HP1BP3: variants seen among roughly 807,000 people sequenced by gnomAD.
The protein encoded by HP1BP3 is heterochromatin protein 1-binding protein 3.
A neutral mutation model predicts 62.5 loss-of-function variants in HP1BP3; 12 were observed. The ratio of observed to expected loss-of-function variants is 0.19; its 90% CI spans 0.12 to 0.31. The LOEUF (loss-of-function observed/expected upper bound fraction) is 0.31. HP1BP3 is among the 10% of genes least tolerant of loss of function. The pLI is 1.00. For synonymous variants in HP1BP3, 260 were observed against 237.8 expected, an observed-to-expected ratio of 1.09 and a Z score of -0.86; for missense variants, 502 against 651.8, an observed-to-expected ratio of 0.77 and a Z score of 2.50.
Position 20,780,473 on chromosome 1 carries a change from CACTCT to C in HP1BP3, c.-38_-34del. ...AATTTCTAGGCCCGAGTACAGGTTA[CACTCT>C]GAAGCCTCTGCTGTTAACCACAAGG... On this transcript the variant is annotated 5_prime_UTR_variant, in exon 2 of 13. Coordinates refer to ENST00000438032, the MANE Select transcript of HP1BP3 (RefSeq NM_001372052.1). 1 of 1,428,688 alleles carries C rather than the reference CACTCT, an allele frequency of 7.0e-7. No individual in the cohort carries two copies. The highest frequency in any genetic ancestry group is 9.9e-7 in the Non-Finnish European group (1 of 1,011,182). 88.5% of individuals were successfully genotyped at this position (1,428,688 alleles called of 1,614,324 possible).
In HP1BP3 at chr1:20,743,133, T is replaced by A. The variant is rs79530366; in HGVS notation, c.*1664A>T. The A allele has an allele frequency of 2.6e-5, 4 of 152,122 alleles. No homozygotes were observed. Among genetic ancestry groups the A allele is most frequent in the African/African-American group, 7.3e-5 (3 of 41,332 alleles). 9.4% of individuals were successfully genotyped at this position (152,122 alleles called of 1,614,324 possible). On this transcript the variant is annotated 3_prime_UTR_variant, in exon 13 of 13. Transcript: ENST00000438032. ...ACTTTTTTCCTTTTCTTTTTTTTTT[T>A]AATATCTCAAAAAGGAAGCCACTTG...
intron 4 of HP1BP3, chr1:20,775,702 G>A (rs1228853209): frequency 9.3e-6 from 3 of 324,262 alleles, no homozygotes; most frequent in Non-Finnish European, 1.7e-5. Context: ...CCTTTTCTAT[G>A]TTTAAATACA....
In HP1BP3 at chr1:20,743,126, T is replaced by A. The variant is rs1038919156; in HGVS notation, c.*1671A>T. The A allele has an allele frequency of 6.6e-6, 1 of 152,422 alleles. No homozygotes were observed. The highest frequency in any genetic ancestry group is 1.5e-5 in the Non-Finnish European group (1 of 67,998). 9.4% of individuals were successfully genotyped at this position (152,422 alleles called of 1,614,324 possible). A position where few individuals can be genotyped will look rare whatever the true frequency, so the allele number is the denominator to read the frequency against. On this transcript the variant is annotated 3_prime_UTR_variant, in exon 13 of 13. Transcript: ENST00000438032. ...TTCATTTACTTTTTTCCTTTTCTTT[T>A]TTTTTTTAATATCTCAAAAAGGAAG... is the stretch of plus-strand genomic sequence containing the variant.
rs1039679676 is a variant in HP1BP3 at position 20,740,934 on chromosome 1, C to A, written c.*3863G>T. On this transcript the variant is annotated 3_prime_UTR_variant, in exon 13 of 13. Coordinates refer to ENST00000438032, the MANE Select transcript of HP1BP3 (RefSeq NM_001372052.1). ...CATCTGTAATGGCTTCTAAACAAAT[C>A]TTTGTCAAGTGGTTCCTAAGCCAAA... 1.3e-4 allele frequency among the ~76,000 whole-genome samples: 20 copies of A among 152,166 alleles called. No individual in the cohort carries two copies. Among genetic ancestry groups the A allele is most frequent in the African/African-American group, 4.6e-4 (19 of 41,440 alleles).
At chr1:20,753,148 A>G (rs949302273) in intron 9 of HP1BP3, among the ~76,000 whole-genome samples, 1 of 152,098 alleles carries the variant, frequency 6.6e-6, no homozygotes, top group Non-Finnish European at 1.5e-5. Flanking sequence ...TCACCATGTT[A>G]GCCAGGATGG....
intron 4 of HP1BP3, chr1:20,775,097 A>T (rs1010115933): frequency 2.0e-5 from 3 of 152,124 alleles, no homozygotes; most frequent in Non-Finnish European, 4.4e-5. Flanking sequence ...ATTAGAGTAT[A>T]TGTTTTCTAC....
chr1:20,768,030 A>AT (rs1038382812), intron 6 of HP1BP3, among the ~76,000 whole-genome samples: 16 of 152,090 alleles, frequency 1.1e-4, no homozygotes, highest in African/African-American at 3.4e-4. Flanking sequence ...CTCTTAGGGA[A>AT]ATAAGAAAAG....
At position 20,740,895 on chromosome 1, in the gene HP1BP3, G is replaced by A. The variant is rs568244395; in HGVS notation, c.*3902C>T. Among the ~76,000 whole-genome samples, 8 of 152,322 alleles carry A rather than the reference G, an allele frequency of 5.3e-5. No homozygotes were observed. In the East Asian group the frequency reaches 1.3e-3, roughly 26 times the overall value. On this transcript the variant is annotated 3_prime_UTR_variant, in exon 13 of 13. Transcript: ENST00000438032. ...TTAAGAAAATAATGCAGCTGATTAG[G>A]GGTACTGTTTAACCATCTGTAATGG...
At chr1:20,786,690 C>G (rs1005542725) in intron 1 of HP1BP3, 2 of 151,866 alleles carry the variant, frequency 1.3e-5, no homozygotes, top group Non-Finnish European at 2.9e-5. Context: ...GCGGAGAACC[C>G]GGGGGGCGGG....
chr1:20,776,118 C>T, intron 4 of HP1BP3: 1 of 916,902 alleles, frequency 1.1e-6, no homozygotes, highest in Middle Eastern at 3.5e-4. Flanking sequence ...AATTCTTCAA[C>T]TGAATATTTC....
intron 8 of HP1BP3, among the ~76,000 whole-genome samples, chr1:20,761,655 A>C (rs956473849): frequency 3.9e-5 from 6 of 152,204 alleles, no homozygotes; most frequent in Non-Finnish European, 4.4e-5. Flanking sequence ...ACATTTGTGA[A>C]TTAATAGTTT....
chr1:20,747,221 T>C (rs766153217), intron 11 of HP1BP3, among the ~76,000 whole-genome samples: 4 of 152,216 alleles, frequency 2.6e-5, no homozygotes, highest in Non-Finnish European at 5.9e-5. Context: ...CAGTTGTCCC[T>C]TGAACAACAC....
At chr1:20,775,962 T>C (rs1308826260) in intron 4 of HP1BP3, 5 of 1,515,816 alleles carry the variant, frequency 3.3e-6, no homozygotes, top group South Asian at 1.3e-5. Context: ...TTCTAACTGT[T>C]CTGACCAATT....
intron 4 of HP1BP3, chr1:20,774,468 T>C (rs1330143193): frequency 3.3e-5 from 5 of 152,214 alleles, no homozygotes; most frequent in African/African-American, 1.2e-4. Flanking sequence ...CTAGAAGGTA[T>C]AGTTATTACT....
At chr1:20,747,490 G>C in intron 11 of HP1BP3, 54 bp downstream of exon 11, 2 of 1,059,882 alleles carry the variant, frequency 1.9e-6, no homozygotes, top group East Asian at 4.9e-5. Flanking sequence ...ATTAAACTGA[G>C]TGTGTAACTT....
At chr1:20,759,977 C>T (rs989866192) in intron 8 of HP1BP3, among the ~76,000 whole-genome samples, 1 of 150,440 alleles carries the variant, frequency 6.6e-6, no homozygotes, top group African/African-American at 2.5e-5. Context: ...CAACCTCTGC[C>T]TCCTGGGTTC....
chr1:20,775,963 C>G (rs568056549), intron 4 of HP1BP3: 15 of 1,504,062 alleles, frequency 1.0e-5, no homozygotes, highest in Non-Finnish European at 1.3e-5. Context: ...TCTAACTGTT[C>G]TGACCAATTA....
At chr1:20,761,848 C>G (rs1039554267) in intron 8 of HP1BP3, among the ~76,000 whole-genome samples, 1 of 152,048 alleles carries the variant, frequency 6.6e-6, no homozygotes, top group Non-Finnish European at 1.5e-5. Context: ...GTGTGGTGTC[C>G]TGGAAGGCAA....
At position 20,740,809 on chromosome 1, in the gene HP1BP3, T is replaced by G. The variant is rs72650890; in HGVS notation, c.*3988A>C. ...CTGCAGCCTTAGTGACACAGCAAAC[T>G]CCATCTCAAAAAAATAATAAGTAAA... is the stretch of plus-strand genomic sequence containing the variant. On this transcript the variant is annotated 3_prime_UTR_variant, in exon 13 of 13. Coordinates refer to ENST00000438032, the MANE Select transcript of HP1BP3 (RefSeq NM_001372052.1). Among the ~76,000 whole-genome samples, 1,132 of 152,214 alleles carry G rather than the reference T, an allele frequency of 7.4e-3. 5 individuals carry two copies. The highest frequency in any genetic ancestry group is 0.037 in the Middle Eastern group (11 of 294).
Sources: allele counts gnomAD v4.1 joint callset (sites outside exome capture counted in the v4.1 genomes callset), GRCh38; gene constraint gnomAD v4.1.1; transcripts MANE v1.5; gene names NCBI Gene and HGNC (gene_info 2026-07-23, HGNC 2026-07-21).